The following GTF2F2 variants were observed in gnomAD, a reference collection of about 807,000 sequenced individuals.
GTF2F2 encodes ATP-dependent helicase GTF2F2.
In GTF2F2, 23 loss-of-function variants were observed where a neutral mutation model predicts 42.2. The observed-to-expected ratio is 0.55, with a 90% CI of 0.39 to 0.77. The LOEUF (loss-of-function observed/expected upper bound fraction) is 0.77. Ranked by LOEUF, GTF2F2 falls within the 30% of genes least tolerant of loss-of-function variation. GTF2F2 has a pLI of 0.00. For missense variants in GTF2F2, 261 were observed against 287.2 expected, an observed-to-expected ratio of 0.91 and a Z score of 0.66; for synonymous variants, 105 against 100.8, an observed-to-expected ratio of 1.04 and a Z score of -0.25.
chr13:45,239,823 A>G (rs1235203785), intron 5 of GTF2F2, among the ~76,000 whole-genome samples: 2 of 152,220 alleles, frequency 1.3e-5, no homozygotes, highest in Admixed American at 6.5e-5. Flanking sequence ...ATATGCCTGC[A>G]TTGCTTCATT....
At chr13:45,194,372 TTCCA>T in intron 4 of GTF2F2, 1 of 1,614,160 alleles carries the variant, frequency 6.2e-7, no homozygotes, top group Non-Finnish European at 8.5e-7. Context: ...CAGAGGATTT[TTCCA>T]TTTACTATAC....
intron 4 of GTF2F2, among the ~76,000 whole-genome samples, chr13:45,203,038 AG>A (rs1226714658): frequency 6.6e-6 from 1 of 152,190 alleles, no homozygotes; most frequent in Non-Finnish European, 1.5e-5. Flanking sequence ...CTTTGAATAT[AG>A]GATACTGACT....
chr13:45,239,366 C>T (rs2138230391), intron 5 of GTF2F2, among the ~76,000 whole-genome samples: 1 of 152,290 alleles, frequency 6.6e-6, no homozygotes, highest in East Asian at 1.9e-4. Context: ...GTCTAGCTAA[C>T]AGAGGTAATA....
chr13:45,200,389 A>G (rs1281062566), intron 4 of GTF2F2, among the ~76,000 whole-genome samples: 1 of 151,234 alleles, frequency 6.6e-6, no homozygotes. Flanking sequence ...TTGCAACCTC[A>G]ACCTCCTGGG....
intron 1 of GTF2F2, among the ~76,000 whole-genome samples, chr13:45,129,670 T>C (rs1420169923): frequency 6.6e-6 from 1 of 152,262 alleles, no homozygotes; most frequent in African/African-American, 2.4e-5. Context: ...ATAACTATTC[T>C]TCTATTCTGG....
intron 4 of GTF2F2, among the ~76,000 whole-genome samples, chr13:45,196,843 G>A (rs1473117439): frequency 6.6e-6 from 1 of 152,176 alleles, no homozygotes; most frequent in African/African-American, 2.4e-5. Context: ...GCAGGAGTGA[G>A]TCAGGACAGC....
intron 5 of GTF2F2, among the ~76,000 whole-genome samples, chr13:45,243,147 G>A (rs536853428): frequency 6.6e-6 from 1 of 152,248 alleles, no homozygotes; most frequent in South Asian, 2.1e-4. Flanking sequence ...ATTCTCAGAT[G>A]CTCAAGTCCC....
chr13:45,177,216 G>GC (rs1287225172), intron 4 of GTF2F2, among the ~76,000 whole-genome samples: 3 of 151,772 alleles, frequency 2.0e-5, no homozygotes, highest in African/African-American at 7.3e-5. Context: ...TACCAGCTTT[G>GC]CCATAAATCA....
At chr13:45,127,246 T>C (rs945347363) in intron 1 of GTF2F2, among the ~76,000 whole-genome samples, 4 of 152,192 alleles carry the variant, frequency 2.6e-5, no homozygotes, top group Non-Finnish European at 5.9e-5. Flanking sequence ...TCTACAGTTT[T>C]ATTATAATAA....
rs1041531337 is a variant in GTF2F2 at position 45,123,963 on chromosome 13, G to A, written c.66+3242G>A. ...TGGCAGGGACTCCCCAGCATTGAGG[G>A]TCTCTCTCTTCCTCTTGTTCTGTCA... On this transcript the variant is annotated intron_variant, in intron 1 of 7. Transcript: ENST00000340473. 13 of 718,264 alleles carry A rather than the reference G, an allele frequency of 1.8e-5. No individual in the cohort carries two copies. The African/African-American group carries it at 2.3e-4, about 13-fold the overall frequency. The allele number at this position is 718,264 out of a possible 1,614,324, so 44.5% of individuals were successfully genotyped here.
intron 4 of GTF2F2, among the ~76,000 whole-genome samples, chr13:45,163,903 C>T (rs1165617614): frequency 2.0e-5 from 3 of 152,188 alleles, no homozygotes; most frequent in African/African-American, 7.2e-5. Context: ...CCTGTAATCT[C>T]AGCACTTTGG....
At chr13:45,165,781 C>G (rs1001478222) in intron 4 of GTF2F2, among the ~76,000 whole-genome samples, 1 of 150,124 alleles carries the variant, frequency 6.7e-6, no homozygotes, top group Non-Finnish European at 1.5e-5. Context: ...GCATATCATT[C>G]CATCCTTAAA....
intron 5 of GTF2F2, among the ~76,000 whole-genome samples, chr13:45,252,071 A>G (rs1308673766): frequency 6.6e-6 from 1 of 152,214 alleles, no homozygotes; most frequent in East Asian, 1.9e-4. Context: ...ACTTAAATAT[A>G]CATGTACTAG....
intron 4 of GTF2F2, among the ~76,000 whole-genome samples, chr13:45,186,276 ATT>A (rs1292377624): frequency 2.2e-5 from 3 of 133,530 alleles, no homozygotes; most frequent in Non-Finnish European, 1.6e-5. Context: ...CACCTGGCCT[ATT>A]TTTTTTTTTT....
chr13:45,127,588 C>A (rs1044953171), intron 1 of GTF2F2, among the ~76,000 whole-genome samples: 2 of 151,876 alleles, frequency 1.3e-5, no homozygotes, highest in East Asian at 3.9e-4. Context: ...GTTGGCCTTC[C>A]AAAGTGCTAG....
rs570719356 is a variant in GTF2F2, at chr13:45,284,081, T to C, written c.*520T>C. 2 of 152,348 alleles carry C rather than the reference T, an allele frequency of 1.3e-5. No homozygotes were observed. Among genetic ancestry groups the C allele is most frequent in the African/African-American group, 4.8e-5 (2 of 41,590 alleles). 9.4% of individuals were successfully genotyped at this position (152,348 alleles called of 1,614,324 possible). A position where few individuals can be genotyped will look rare whatever the true frequency, so the allele number is the denominator to read the frequency against. Reference sequence around the variant, plus strand: ...GTTTCGTGTTCATACTCAACGTTAATAAAAGGAGAGAGTTTGTAGTGAAAT... The same window carrying C: ...GTTTCGTGTTCATACTCAACGTTAACAAAAGGAGAGAGTTTGTAGTGAAAT... On this transcript the variant is annotated 3_prime_UTR_variant, in exon 8 of 8. Transcript: ENST00000340473.
chr13:45,203,234 G>A (rs1023708090), intron 4 of GTF2F2, among the ~76,000 whole-genome samples: 4 of 147,970 alleles, frequency 2.7e-5, no homozygotes, highest in Non-Finnish European at 5.9e-5. Flanking sequence ...GCACCACCAC[G>A]CCCACCTTTT....
At chr13:45,238,350 C>A (rs1219072680) in intron 5 of GTF2F2, among the ~76,000 whole-genome samples, 1 of 152,170 alleles carries the variant, frequency 6.6e-6, no homozygotes, top group Non-Finnish European at 1.5e-5. Flanking sequence ...AGAATAGCCA[C>A]TTGGTCATGT....
chr13:45,143,689 C>T (rs1870045698), intron 2 of GTF2F2, among the ~76,000 whole-genome samples: 2 of 152,006 alleles, frequency 1.3e-5, no homozygotes, highest in African/African-American at 4.8e-5. Context: ...TTCCAGAAGA[C>T]AGGGCTGTGG....
Sources: allele counts gnomAD v4.1 joint callset (sites outside exome capture counted in the v4.1 genomes callset), GRCh38; gene constraint gnomAD v4.1.1; transcripts MANE v1.5; gene names NCBI Gene and HGNC (gene_info 2026-07-23, HGNC 2026-07-21).